Variants in ANK2 observed in about 807,000 individuals in gnomAD.
The protein encoded by ANK2 is ankyrin-2.
A neutral mutation model predicts 360.5 loss-of-function variants in ANK2; 83 were observed. The observed-to-expected ratio is 0.23, with a 90% CI of 0.19 to 0.28. The LOEUF is 0.28. Among genes scored for constraint, ANK2 ranks in the 10% least tolerant of loss-of-function variants. ANK2 has a pLI of 1.00. For synonymous variants in ANK2, 1,740 were observed against 1,759.5 expected, an observed-to-expected ratio of 0.99 and a Z score of 0.28; for missense variants, 4,201 against 4,795.7, an observed-to-expected ratio of 0.88 and a Z score of 3.66.
intron 1 of ANK2, chr4:113,145,919 A>C (rs552815546): frequency 1.0e-5 from 13 of 1,289,852 alleles, no homozygotes; most frequent in Non-Finnish European, 1.3e-5. Context: ...AGAGCATAAG[A>C]GCACAAGGAA....
intron 3 of ANK2, among the ~76,000 whole-genome samples, chr4:113,196,753 G>T (rs1183285805): frequency 6.6e-6 from 1 of 152,100 alleles, no homozygotes; most frequent in African/African-American, 2.4e-5. Context: ...CTGGGCTCTA[G>T]CGATCCTCCT....
At chr4:112,954,545 A>G (rs1305600334) in intron 2 of ANK2, among the ~76,000 whole-genome samples, 1 of 152,186 alleles carries the variant, frequency 6.6e-6, no homozygotes, top group African/African-American at 2.4e-5. Context: ...TTTGGGCTTC[A>G]TTCAACAGAA....
At chr4:113,371,050 GAATTCAAAAACAC>G (rs1388093703) in intron 43 of ANK2, among the ~76,000 whole-genome samples, 1 of 151,946 alleles carries the variant, frequency 6.6e-6, no homozygotes, top group Non-Finnish European at 1.5e-5. Flanking sequence ...AAAAGTAATA[GAATTCAAAAACAC>G]TTTATATTTC....
chr4:113,377,740 T>C (rs553672881), intron 45 of ANK2, among the ~76,000 whole-genome samples: 49 of 152,292 alleles, frequency 3.2e-4, no homozygotes, highest in African/African-American at 1.1e-3. Flanking sequence ...ATCTGTGTTA[T>C]ACCATTTGGG....
chr4:113,286,734 G>A (rs1587197602), intron 18 of ANK2, among the ~76,000 whole-genome samples: 1 of 152,140 alleles, frequency 6.6e-6, no homozygotes, highest in African/African-American at 2.4e-5. Context: ...ACAATAGTGA[G>A]GGGAGAGAAA....
intron 10 of ANK2, among the ~76,000 whole-genome samples, chr4:113,250,762 C>A (rs28456239): frequency 0.043 from 5,916 of 137,024 alleles, 1,142 homozygotes; most frequent in African/African-American, 0.15. Context: ...ACCGCCCCCC[C>A]CCCCGACAGA....
chr4:113,248,647 T>G (rs542849704), intron 9 of ANK2, among the ~76,000 whole-genome samples: 44 of 151,790 alleles, frequency 2.9e-4, no homozygotes, highest in African/African-American at 1.0e-3. Context: ...TGAGTCAGAG[T>G]GTTGCGATTC....
At chr4:113,060,375 T>C (rs1470970170) in intron 1 of ANK2, among the ~76,000 whole-genome samples, 1 of 152,110 alleles carries the variant, frequency 6.6e-6, no homozygotes, top group Non-Finnish European at 1.5e-5. Context: ...GATTATCTAA[T>C]TTTATCTTCA....
rs543340003 is a variant in ANK2 at position 112,980,954 on chromosome 4, A to G, written c.21+76440A>G. Among the ~76,000 whole-genome samples, 20 of 152,348 alleles carry G rather than the reference A, an allele frequency of 1.3e-4. No homozygotes were observed. The South Asian group carries it at 4.1e-3, about 32-fold the overall frequency. ...ATAACACATGAGGGCAGTAAGTATC[A>G]GAGAGGTTGCCCAAGAACTTACAGC... On this transcript the variant is annotated intron_variant, in intron 2 of 30. Coordinates refer to the ANK2 transcript ENST00000503271.
At chr4:113,276,272 G>A (rs2060230109) in intron 15 of ANK2, among the ~76,000 whole-genome samples, 1 of 152,132 alleles carries the variant, frequency 6.6e-6, no homozygotes, top group Admixed American at 6.5e-5. Context: ...GCTGACTAGG[G>A]CTGAACAGTG....
chr4:113,292,963 G>C (rs1189899276), intron 21 of ANK2: 2 of 351,938 alleles, frequency 5.7e-6, no homozygotes, highest in African/African-American at 2.1e-5. Context: ...GATGCAGCCC[G>C]AATTGCTTGC....
chr4:112,731,304 A>T, the ANK2 span, among the ~76,000 whole-genome samples: 2 of 151,968 alleles, frequency 1.3e-5, no homozygotes, highest in African/African-American at 2.4e-5. Flanking sequence ...AAAAAAAAAA[A>T]AAAAAAAAAG....
chr4:113,322,912 T>C (rs1271687552), intron 26 of ANK2, among the ~76,000 whole-genome samples: 3 of 152,178 alleles, frequency 2.0e-5, no homozygotes, highest in African/African-American at 7.2e-5. Context: ...TAGGGTTTTT[T>C]TTAGATACGT....
intron 1 of ANK2, among the ~76,000 whole-genome samples, chr4:113,136,583 G>A (rs562076409): frequency 7.3e-4 from 111 of 152,218 alleles, no homozygotes; most frequent in African/African-American, 2.5e-3. Flanking sequence ...TTGGGAGGCT[G>A]AGGTGGTAGA....
intron 2 of ANK2, among the ~76,000 whole-genome samples, chr4:112,963,091 A>G (rs1398222377): frequency 1.3e-5 from 2 of 152,148 alleles, no homozygotes; most frequent in African/African-American, 2.4e-5. Flanking sequence ...CTTTAGATTC[A>G]GTTAGTTCTG....
intron 1 of ANK2, chr4:113,174,191 A>G: frequency 2.4e-6 from 1 of 415,754 alleles, no homozygotes. Flanking sequence ...TGGTTCTTTT[A>G]TACTCTAAAA....
At chr4:113,089,675 A>G (rs1434394236) in intron 1 of ANK2, among the ~76,000 whole-genome samples, 1 of 152,002 alleles carries the variant, frequency 6.6e-6, no homozygotes, top group African/African-American at 2.4e-5. Context: ...AAAATACAAA[A>G]TTGGCTGGAT....
chr4:113,116,995 C>T, intron 1 of ANK2: 2 of 265,184 alleles, frequency 7.5e-6, no homozygotes, highest in Admixed American at 4.5e-5. Context: ...CCGCCTTCCC[C>T]CGGGACCATT....
chr4:112,830,290 A>G (rs1485083855), intron 1 of ANK2, among the ~76,000 whole-genome samples: 1 of 152,266 alleles, frequency 6.6e-6, no homozygotes, highest in African/African-American at 2.4e-5. Context: ...AAAATGTGGT[A>G]CATACACAAC....
Sources: gnomAD v4.1 joint callset for allele counts (sites outside exome capture counted in the v4.1 genomes callset) on GRCh38, gnomAD v4.1.1 for gene constraint, MANE v1.5 for transcripts, NCBI Gene and HGNC (gene_info 2026-07-23, HGNC 2026-07-21) for gene names.